The following DOCK3 variants were observed in gnomAD, a reference collection of about 807,000 sequenced individuals.
DOCK3 encodes dedicator of cytokinesis 3, also known as dedicator of cytokinesis protein 3.
In DOCK3, 60 loss-of-function variants were observed where a neutral mutation model predicts 265.6. That is an observed-to-expected ratio of 0.23 (90% CI 0.18 to 0.28). The LOEUF (loss-of-function observed/expected upper bound fraction) is 0.28. DOCK3 is among the 10% of genes least tolerant of loss of function. The probability of loss-of-function intolerance (pLI) is 1.00; values close to 1 mark genes in which losing one functional copy is unlikely to be tolerated. For missense variants in DOCK3, 1,981 were observed against 2,594.3 expected, an observed-to-expected ratio of 0.76 and a Z score of 5.14; for synonymous variants, 881 against 938.0, an observed-to-expected ratio of 0.94 and a Z score of 1.11.
intron 5 of DOCK3, among the ~76,000 whole-genome samples, chr3:51,051,726 G>T (rs775473245): frequency 5.3e-5 from 8 of 152,162 alleles, no homozygotes; most frequent in Non-Finnish European, 1.2e-4. Flanking sequence ...AAGAAAAGAG[G>T]TTTAATTGGC....
intron 5 of DOCK3, among the ~76,000 whole-genome samples, chr3:50,938,938 TGAA>T (rs1163910561): frequency 1.4e-5 from 2 of 147,150 alleles, no homozygotes; most frequent in African/African-American, 2.5e-5. Flanking sequence ...AAGGAAAAAA[TGAA>T]GAGCAGAAAT....
At chr3:50,756,480 CA>C (rs1009829299) in intron 1 of DOCK3, among the ~76,000 whole-genome samples, 5 of 152,016 alleles carry the variant, frequency 3.3e-5, no homozygotes, top group South Asian at 2.1e-4. Context: ...TCAAAACATA[CA>C]TTTTTTTTGT....
At chr3:51,264,837 T>TAAATAAATA (rs2080071522) in intron 23 of DOCK3, among the ~76,000 whole-genome samples, 1 of 149,850 alleles carries the variant, frequency 6.7e-6, no homozygotes, top group African/African-American at 2.4e-5. Flanking sequence ...AAAAAATAAA[T>TAAATAAATA]AAATAAATAA....
chr3:51,076,293 G>A (rs2082054778), intron 7 of DOCK3, among the ~76,000 whole-genome samples: 1 of 152,304 alleles, frequency 6.6e-6, no homozygotes, highest in East Asian at 1.9e-4. Flanking sequence ...GTTGATAAGT[G>A]TGAGATATAG....
chr3:51,194,725 C>T (rs1255749888), intron 12 of DOCK3, among the ~76,000 whole-genome samples: 1 of 151,840 alleles, frequency 6.6e-6, no homozygotes, highest in Non-Finnish European at 1.5e-5. Context: ...ATAGTTATCC[C>T]TACTCGCTTT....
At chr3:51,369,138 C>G (rs898725991) in intron 49 of DOCK3, among the ~76,000 whole-genome samples, 1 of 152,228 alleles carries the variant, frequency 6.6e-6, no homozygotes, top group Admixed American at 6.5e-5. Flanking sequence ...CACTTCTCCT[C>G]CAAAGGAACG....
At chr3:51,170,292 ATT>A (rs76007126) in intron 12 of DOCK3, among the ~76,000 whole-genome samples, 4 of 150,272 alleles carry the variant, frequency 2.7e-5, no homozygotes, top group Non-Finnish European at 5.9e-5. Context: ...CCTTCACTTC[ATT>A]TTTTTTTGCG....
intron 12 of DOCK3, among the ~76,000 whole-genome samples, chr3:51,175,504 G>A (rs1195864350): frequency 6.6e-6 from 1 of 152,120 alleles, no homozygotes; most frequent in African/African-American, 2.4e-5. Flanking sequence ...CTGGACTGTG[G>A]CTGGGAAAAG....
chr3:51,254,311 T>G (rs199612699), intron 22 of DOCK3, among the ~76,000 whole-genome samples: 1 of 152,140 alleles, frequency 6.6e-6, no homozygotes, highest in Non-Finnish European at 1.5e-5. Context: ...TTGGAATAAG[T>G]GCAATGTGGT....
At chr3:51,008,138 G>GT (rs1209851913) in intron 5 of DOCK3, among the ~76,000 whole-genome samples, 1 of 151,916 alleles carries the variant, frequency 6.6e-6, no homozygotes, top group Admixed American at 6.6e-5. Context: ...CATTAAAGTA[G>GT]TTTTTTTTCC....
chr3:51,141,713 A>C (rs550190045), intron 9 of DOCK3, among the ~76,000 whole-genome samples: 1 of 152,278 alleles, frequency 6.6e-6, no homozygotes, highest in African/African-American at 2.4e-5. Context: ...GCTTTTAGAG[A>C]GGCAAAAACG....
intron 9 of DOCK3, among the ~76,000 whole-genome samples, chr3:51,095,961 G>T (rs1576057150): frequency 7.1e-6 from 1 of 140,192 alleles, no homozygotes; most frequent in Admixed American, 7.6e-5. Flanking sequence ...TCTCTGGCTT[G>T]TAAAGCTTCT....
intron 2 of DOCK3, among the ~76,000 whole-genome samples, chr3:50,800,961 A>G (rs1013317005): frequency 3.3e-5 from 5 of 152,050 alleles, no homozygotes; most frequent in Non-Finnish European, 5.9e-5. Flanking sequence ...ATGCATTTAT[A>G]TAGTTTCAGA....
intron 33 of DOCK3, among the ~76,000 whole-genome samples, chr3:51,332,092 G>A (rs898417749): frequency 1.3e-5 from 2 of 152,224 alleles, no homozygotes; most frequent in Admixed American, 6.5e-5. Context: ...TGTAGCAGCA[G>A]CATTAACAGC....
At chr3:50,693,846 A>G (rs1282632674) in intron 1 of DOCK3, among the ~76,000 whole-genome samples, 2 of 151,312 alleles carry the variant, frequency 1.3e-5, no homozygotes, top group Non-Finnish European at 2.9e-5. Flanking sequence ...CTTCCTTTTC[A>G]TATCATTCTC....
intron 3 of DOCK3, chr3:50,876,967 C>G (rs1318251900): frequency 6.5e-6 from 1 of 153,526 alleles, no homozygotes; most frequent in Non-Finnish European, 1.4e-5. Context: ...TTTTAAAAAG[C>G]CCATCAGCTC....
In DOCK3 at chr3:51,328,251, C is replaced by T. The variant is rs1284425387; in HGVS notation, c.3403-1887C>T. 3.3e-5 allele frequency among the ~76,000 whole-genome samples: 5 copies of T among 152,274 alleles called. No homozygotes were observed. The East Asian group carries it at 9.6e-4, about 29-fold the overall frequency. ...TTGTACTCTCTGCTGCTCCAGGTCC[C>T]CTCCCCACATTTTTGCTCTGTTCTG... On this transcript the variant is annotated intron_variant, in intron 32 of 52. Coordinates refer to ENST00000266037, the MANE Select transcript of DOCK3 (RefSeq NM_004947.5).
rs1439270332 is a variant in DOCK3 at position 50,875,529 on chromosome 3, A to C, written c.163-14497A>C. ...TCATGAAGGAATTTTGAACTTTATC[A>C]AATGCTTTTTCAGCACCCATTGAAA... On this transcript the variant is annotated intron_variant, in intron 3 of 52. Coordinates refer to ENST00000266037, the MANE Select transcript of DOCK3 (RefSeq NM_004947.5). Among the ~76,000 whole-genome samples the C allele has an allele frequency of 3.3e-5, 5 of 152,156 alleles. No homozygotes were observed. In the South Asian group the frequency reaches 6.2e-4, roughly 19 times the overall value.
intron 27 of DOCK3, among the ~76,000 whole-genome samples, chr3:51,300,340 C>T (rs2082306445): frequency 6.6e-6 from 1 of 152,168 alleles, no homozygotes; most frequent in Admixed American, 6.5e-5. Context: ...AGAATCATGT[C>T]ATCTGCAAAC....
Sources: allele counts gnomAD v4.1 joint callset (sites outside exome capture counted in the v4.1 genomes callset), GRCh38; gene constraint gnomAD v4.1.1; transcripts MANE v1.5; gene names NCBI Gene and HGNC (gene_info 2026-07-23, HGNC 2026-07-21).